ACACA: variants seen among roughly 807,000 people sequenced by gnomAD.
The protein encoded by ACACA is acetyl-CoA carboxylase 1.
ACACA carries 103 observed loss-of-function variants against 296.1 expected under a neutral mutation model. The observed-to-expected ratio is 0.35, with a 90% confidence interval of 0.30 to 0.41. ACACA has a LOEUF of 0.41. ACACA is among the 10% of genes least tolerant of loss of function. The pLI is 1.00. For missense variants in ACACA, 1,554 were observed against 2,989.7 expected (o/e 0.52, Z 11.20); for synonymous variants, 953 against 1,038.6 (o/e 0.92, Z 1.58).
At chr17:37,212,061 G>A (rs556709641) in intron 29 of ACACA, among the ~76,000 whole-genome samples, 92 of 152,132 alleles carry the variant, frequency 6.0e-4, no homozygotes, top group Non-Finnish European at 1.1e-3. Flanking sequence ...CGATATAAAG[G>A]ATGCTAAAGA....
intron 55 of ACACA, among the ~76,000 whole-genome samples, chr17:37,088,048 G>A (rs764139486): frequency 6.6e-6 from 1 of 152,174 alleles, no homozygotes; most frequent in Non-Finnish European, 1.5e-5. Flanking sequence ...AAATTAACAC[G>A]AGGAGGAGCA....
chr17:37,329,917 G>A (rs1156680406), intron 3 of ACACA, among the ~76,000 whole-genome samples: 3 of 151,940 alleles, frequency 2.0e-5, no homozygotes, highest in African/African-American at 7.3e-5. Flanking sequence ...CTCCAGCTTG[G>A]GCAACAGAGC....
At chr17:37,099,559 C>CGGG (rs1567657181) in intron 52 of ACACA, among the ~76,000 whole-genome samples, 1 of 83,814 alleles carries the variant, frequency 1.2e-5, no homozygotes, top group African/African-American at 6.2e-5. Context: ...GGGCTGATGG[C>CGGG]AGGAGGGCTG....
intron 43 of ACACA, among the ~76,000 whole-genome samples, chr17:37,155,104 TA>T (rs1392979091): frequency 6.6e-6 from 1 of 152,186 alleles, no homozygotes; most frequent in Non-Finnish European, 1.5e-5. Context: ...TCAGAGCTTT[TA>T]ATTCCTAAAA....
chr17:37,158,503 G>C (rs927335274), intron 42 of ACACA, among the ~76,000 whole-genome samples: 1 of 152,056 alleles, frequency 6.6e-6, no homozygotes, highest in East Asian at 1.9e-4. Context: ...GCTGGTGCAT[G>C]GTTGTAGTCC....
rs755900275 is a variant in ACACA, at chr17:37,246,973, A to G, written c.2313T>C (p.Tyr771=). ...TTYMKEEVDR[Y]RITIGNKTCV... ...AGGTTTTATTGCCAATTGTGATGCG[A>G]TATCTAGGAGACAAGTGGAAGTATG... Residue 771 remains tyrosine, a synonymous_variant, in exon 19 of 56, where the codon TAT becomes TAC. Coordinates refer to ENST00000616317, the MANE Select transcript of ACACA (RefSeq NM_198834.3). 3 of 1,614,088 alleles carry G rather than the reference A, an allele frequency of 1.9e-6. No homozygotes were observed. The highest frequency in any genetic ancestry group is 1.3e-5 in the African/African-American group (1 of 75,034).
At chr17:37,238,616 A>T (rs1024287657) in intron 24 of ACACA, among the ~76,000 whole-genome samples, 4 of 152,192 alleles carry the variant, frequency 2.6e-5, no homozygotes, top group African/African-American at 9.6e-5. Flanking sequence ...AAATACACTA[A>T]CAGAATTTTT....
intron 19 of ACACA, 38 bp downstream of exon 19, chr17:37,246,788 C>G (rs1210588777): frequency 6.2e-7 from 1 of 1,611,174 alleles, no homozygotes; most frequent in African/African-American, 1.3e-5. Flanking sequence ...TTCCTACCTT[C>G]CCCTCCCATG....
intron 43 of ACACA, 126 bp downstream of exon 43, chr17:37,155,557 A>C (rs970728035): frequency 4.0e-6 from 3 of 741,664 alleles, no homozygotes; most frequent in Non-Finnish European, 4.8e-6. Flanking sequence ...ATGTAAACCT[A>C]AAACATCTAG....
chr17:37,206,466 C>T lies in ACACA; in HGVS notation c.3948+317G>A, dbSNP rs374909568. ...TGCACCACTATGCAAAAATATAAGC[C>T]ATGGCTGAGTAAGAATTCCAGCAAC... On this transcript the variant is annotated intron_variant, in intron 32 of 55. Transcript: ENST00000616317. 2.6e-5 allele frequency among the ~76,000 whole-genome samples: 4 copies of T among 152,190 alleles called. No individual in the cohort carries two copies. In the East Asian group the frequency reaches 5.8e-4, roughly 22 times the overall value.
intron 3 of ACACA, among the ~76,000 whole-genome samples, chr17:37,328,271 A>G (rs547822612): frequency 6.6e-6 from 1 of 152,310 alleles, no homozygotes; most frequent in Admixed American, 6.5e-5. Context: ...CCCAACTATC[A>G]AAAAGTATTT....
chr17:37,335,743 G>C (rs892737685), intron 2 of ACACA, among the ~76,000 whole-genome samples: 3 of 152,146 alleles, frequency 2.0e-5, no homozygotes, highest in Non-Finnish European at 4.4e-5. Context: ...TGGTGACATG[G>C]AATGGGTCGC....
At chr17:37,109,423 A>C (rs1295474381) in intron 52 of ACACA, among the ~76,000 whole-genome samples, 1 of 152,220 alleles carries the variant, frequency 6.6e-6, no homozygotes, top group Non-Finnish European at 1.5e-5. Context: ...TTGGAAAAAA[A>C]CTGATGTTCG....
At chr17:37,275,603 G>A (rs1437126746) in intron 8 of ACACA, among the ~76,000 whole-genome samples, 1 of 152,088 alleles carries the variant, frequency 6.6e-6, no homozygotes, top group African/African-American at 2.4e-5. Context: ...TCCCAGGCAG[G>A]TCTGAAGACC....
chr17:37,226,857 G>A (rs539577016), intron 25 of ACACA, among the ~76,000 whole-genome samples: 1 of 152,218 alleles, frequency 6.6e-6, no homozygotes, highest in East Asian at 1.9e-4. Flanking sequence ...TGGAAAGAAG[G>A]TAGATATAAG....
rs112578161 is a variant in ACACA at position 37,089,285 on chromosome 17, C to T, written c.6892-211G>A. 1.1e-4 allele frequency among the ~76,000 whole-genome samples: 17 copies of T among 152,330 alleles called. No homozygotes were observed. In the East Asian group the frequency reaches 3.1e-3, roughly 28 times the overall value. On this transcript the variant is annotated intron_variant, in intron 54 of 55. Transcript: ENST00000616317. The stretch of plus-strand genomic sequence containing the variant: ...CTCTTCCTTTATGGACACAGGTGTA[C>T]ACCTGAAGTCTCCATGGGGCTCTCC...
chr17:37,302,204 T>A (rs1485008904), intron 3 of ACACA, among the ~76,000 whole-genome samples: 1 of 144,040 alleles, frequency 6.9e-6, no homozygotes, highest in Non-Finnish European at 1.5e-5. Context: ...CTGGAACTCT[T>A]TTTTTTTTTT....
rs753277238 is a variant in ACACA at position 37,149,896 on chromosome 17, A to T, written c.5647T>A (p.Leu1883Ile). Reference sequence around the variant, plus strand: ...AGGGCTCCAGCTCCTGTTAGAATTAAGTGAGAATTCTCAACCTGGATGGTT... The same window carrying T: ...AGGGCTCCAGCTCCTGTTAGAATTATGTGAGAATTCTCAACCTGGATGGTT... Reference protein sequence around the residue: ...QRTIQVENSHLILTGAGALNK... With the variant: ...QRTIQVENSHIILTGAGALNK... The change falls in exon 45 of 56, where the codon TTA becomes ATA. Residue 1883 changes from leucine (L) to isoleucine (I), a missense_variant. Transcript: ENST00000616317. The T allele has an allele frequency of 4.3e-6, 7 of 1,614,238 alleles. No homozygotes were observed. Among genetic ancestry groups the T allele is most frequent in the Non-Finnish European group, 2.5e-6 (3 of 1,180,026 alleles).
chr17:37,251,979 TGTAGC>T, intron 16 of ACACA, 21 bp downstream of exon 16: 1 of 1,594,504 alleles, frequency 6.3e-7, no homozygotes, highest in Non-Finnish European at 8.6e-7. Context: ...GATTAGTTTG[TGTAGC>T]CTACAAGAAA....
Sources: gnomAD v4.1 joint callset for allele counts (sites outside exome capture counted in the v4.1 genomes callset) on GRCh38, gnomAD v4.1.1 for gene constraint, MANE v1.5 for transcripts, NCBI Gene and HGNC (gene_info 2026-07-23, HGNC 2026-07-21) for gene names.